Variants in SGCG observed in about 807,000 individuals in gnomAD.
The protein encoded by SGCG is sarcoglycan gamma.
SGCG carries 26 observed loss-of-function variants against 29.3 expected under a neutral mutation model. The observed-to-expected ratio is 0.89, with a 90% CI of 0.65 to 1.23. The LOEUF is 1.23. Among genes scored for constraint, SGCG ranks in the 50% most tolerant of loss-of-function variants. The probability of loss-of-function intolerance (pLI) is 0.00; values close to 1 mark genes in which losing one functional copy is unlikely to be tolerated. For missense variants in SGCG, 353 were observed against 356.0 expected (o/e 0.99, Z 0.07); for synonymous variants, 145 against 129.7 (o/e 1.12, Z -0.80).
chr13:23,271,358 G>T (rs1395260444), intron 4 of SGCG, among the ~76,000 whole-genome samples: 1 of 152,140 alleles, frequency 6.6e-6, no homozygotes, highest in Non-Finnish European at 1.5e-5. Context: ...CACACTGGAA[G>T]AAGAATAATT....
rs573362287 is a variant in SGCG, at chr13:23,305,273, T to A, written c.578+9786T>A. Among the ~76,000 whole-genome samples, 3 of 152,346 alleles carry A rather than the reference T, an allele frequency of 2.0e-5. No homozygotes were observed. In the East Asian group the frequency reaches 5.8e-4, roughly 29 times the overall value. On this transcript the variant is annotated intron_variant, in intron 6 of 7. Coordinates refer to ENST00000218867, the MANE Select transcript of SGCG (RefSeq NM_000231.3). ...TGAAAAGTTTTCTTCATATGTGTTT[T>A]CCACATTTATTTGTTGCTATTAAAA...
the SGCG span, among the ~76,000 whole-genome samples, chr13:23,165,817 G>A: frequency 7.9e-5 from 12 of 152,104 alleles, no homozygotes; most frequent in East Asian, 1.9e-4. Flanking sequence ...ATGAGCCACC[G>A]TGCCCAGCCT....
chr13:23,233,343 T>A (rs971760238), intron 2 of SGCG, among the ~76,000 whole-genome samples: 1 of 152,200 alleles, frequency 6.6e-6, no homozygotes, highest in Non-Finnish European at 1.5e-5. Flanking sequence ...TGATTCCACT[T>A]ACATAAGGTA....
intron 3 of SGCG, among the ~76,000 whole-genome samples, chr13:23,248,555 G>A (rs1044651406): frequency 6.6e-6 from 1 of 150,962 alleles, no homozygotes; most frequent in East Asian, 1.9e-4. Flanking sequence ...ATTAGCCGGC[G>A]TGGCAGCAGG....
intron 6 of SGCG, among the ~76,000 whole-genome samples, chr13:23,303,178 C>G (rs492075): frequency 0.72 from 109,827 of 152,042 alleles, 41,567 homozygotes; most frequent in East Asian, 0.89. Context: ...GATTCAGAAT[C>G]AATGAGCATG....
At chr13:23,279,834 T>G (rs1447003536) in intron 5 of SGCG, among the ~76,000 whole-genome samples, 1 of 151,802 alleles carries the variant, frequency 6.6e-6, no homozygotes, top group African/African-American at 2.4e-5. Flanking sequence ...TTCAAGCAAT[T>G]CTCCTGCCTC....
At chr13:23,205,588 A>T (rs1025666578) in intron 2 of SGCG, among the ~76,000 whole-genome samples, 1 of 152,220 alleles carries the variant, frequency 6.6e-6, no homozygotes, top group Non-Finnish European at 1.5e-5. Context: ...GTAAAGTGAC[A>T]ATATGTCTAC....
At chr13:23,200,425 A>AAAAC (rs773108641) in intron 1 of SGCG, among the ~76,000 whole-genome samples, 12 of 152,098 alleles carry the variant, frequency 7.9e-5, no homozygotes, top group African/African-American at 2.2e-4. Flanking sequence ...TCTGTTTCAA[A>AAAAC]AAACAAACAA....
At chr13:23,257,799 A>C (rs1880257307) in intron 4 of SGCG, among the ~76,000 whole-genome samples, 1 of 152,214 alleles carries the variant, frequency 6.6e-6, no homozygotes, top group Admixed American at 6.5e-5. Context: ...TTTATTAAAT[A>C]GGGAATCGTT....
chr13:23,243,427 GATCTCAGCTT>G (rs1373319982), intron 3 of SGCG: 3 of 152,342 alleles, frequency 2.0e-5, no homozygotes, highest in Non-Finnish European at 2.9e-5. Flanking sequence ...ACCCTCTGCA[GATCTCAGCTT>G]ATCTCCCATT....
At chr13:23,163,856 A>C in the SGCG span, among the ~76,000 whole-genome samples, 1 of 152,242 alleles carries the variant, frequency 6.6e-6, no homozygotes, top group Non-Finnish European at 1.5e-5. Flanking sequence ...AAAGGCTAAA[A>C]CTAAGTAATA....
intron 2 of SGCG, among the ~76,000 whole-genome samples, chr13:23,207,472 A>G (rs1020799921): frequency 2.6e-5 from 4 of 152,248 alleles, no homozygotes; most frequent in Non-Finnish European, 4.4e-5. Flanking sequence ...ATGGGACTAC[A>G]TTATACTAAA....
chr13:23,223,859 G>A (rs4238168), intron 2 of SGCG, among the ~76,000 whole-genome samples: 90,510 of 151,828 alleles, frequency 0.6, 27,550 homozygotes, highest in East Asian at 0.86. Flanking sequence ...CCAGCTACTC[G>A]GGAGGCTGAG....
intron 4 of SGCG, among the ~76,000 whole-genome samples, chr13:23,253,895 C>T (rs1280809579): frequency 6.6e-6 from 1 of 152,208 alleles, no homozygotes; most frequent in Non-Finnish European, 1.5e-5. Flanking sequence ...ACGTGATGCA[C>T]CTGCTCCTTC....
intron 1 of SGCG, among the ~76,000 whole-genome samples, chr13:23,184,142 A>G (rs1297551866): frequency 1.3e-5 from 2 of 152,254 alleles, no homozygotes; most frequent in African/African-American, 2.4e-5. Context: ...CCCTGAGGCC[A>G]TCTGAAACTT....
intron 3 of SGCG, among the ~76,000 whole-genome samples, chr13:23,247,567 C>A (rs1369396373): frequency 1.3e-5 from 2 of 152,076 alleles, no homozygotes; most frequent in Non-Finnish European, 2.9e-5. Flanking sequence ...CACCCTTCTA[C>A]TTGTCTTTAA....
At chr13:23,229,578 ATG>A (rs1422156936) in intron 2 of SGCG, among the ~76,000 whole-genome samples, 4 of 118,314 alleles carry the variant, frequency 3.4e-5, no homozygotes, top group African/African-American at 1.0e-4. Context: ...TTTTGACCAC[ATG>A]TGTGTTTTCT....
chr13:23,187,289 T>G (rs957748780), intron 1 of SGCG, among the ~76,000 whole-genome samples: 6 of 152,192 alleles, frequency 3.9e-5, no homozygotes, highest in African/African-American at 1.4e-4. Flanking sequence ...TCCTCCTTGA[T>G]GCCCAATAGG....
intron 4 of SGCG, among the ~76,000 whole-genome samples, chr13:23,263,151 C>A (rs1880509543): frequency 8.3e-6 from 1 of 120,734 alleles, no homozygotes. Flanking sequence ...TAACAAAGAT[C>A]AGAGCAGAAA....
Sources: allele counts gnomAD v4.1 joint callset (sites outside exome capture counted in the v4.1 genomes callset), GRCh38; gene constraint gnomAD v4.1.1; transcripts MANE v1.5; gene names NCBI Gene and HGNC (gene_info 2026-07-23, HGNC 2026-07-21).